ARID4A: variants seen among roughly 807,000 people sequenced by gnomAD.
ARID4A encodes AT-rich interactive domain-containing protein 4A.
In ARID4A, 39 loss-of-function variants were observed where a neutral mutation model predicts 148.6. The ratio of observed to expected loss-of-function variants is 0.26; its 90% CI spans 0.20 to 0.34. ARID4A has a LOEUF of 0.34. ARID4A is among the 10% of genes least tolerant of loss of function. ARID4A has a pLI of 1.00. For missense variants in ARID4A, 1,265 were observed against 1,449.1 expected, an observed-to-expected ratio of 0.87 and a Z score of 2.06; for synonymous variants, 475 against 481.2, an observed-to-expected ratio of 0.99 and a Z score of 0.17.
chr14:58,358,592 T>C (rs905365138), intron 17 of ARID4A, among the ~76,000 whole-genome samples: 2 of 152,124 alleles, frequency 1.3e-5, no homozygotes, highest in African/African-American at 4.8e-5. Context: ...AATACAGATA[T>C]CTCTAAAAAA....
intron 23 of ARID4A, among the ~76,000 whole-genome samples, chr14:58,369,382 T>G (rs1029112552): frequency 1.3e-5 from 2 of 151,920 alleles, no homozygotes; most frequent in Admixed American, 6.6e-5. Context: ...TCCCAGCATT[T>G]TGGGAGGCAG....
rs765807069 is a variant in ARID4A, at chr14:58,347,623, T to C, written c.1173-24T>C. 9 of 1,481,456 alleles carry C rather than the reference T, an allele frequency of 6.1e-6. No individual in the cohort carries two copies. In the South Asian group the frequency reaches 1.2e-4, roughly 19 times the overall value. The allele number at this position is 1,481,456 out of a possible 1,614,324, so 91.8% of individuals were successfully genotyped here. ...TTAGATGCAAAGACTGTAAGATTTC[T>C]TAAATGAAATATTGTTTGTTTAGGT... On this transcript the variant is annotated intron_variant, in intron 14 of 23. Coordinates refer to ENST00000355431, the MANE Select transcript of ARID4A (RefSeq NM_002892.4).
intron 22 of ARID4A, 137 bp from the exon 23 acceptor site, chr14:58,366,746 C>T (rs2035374969): frequency 1.7e-6 from 1 of 599,164 alleles, no homozygotes; most frequent in Non-Finnish European, 2.7e-6. Context: ...TGTTTTCAGT[C>T]TTATTCAGCT....
chr14:58,352,055 T>C (rs1194827120), intron 16 of ARID4A, among the ~76,000 whole-genome samples: 2 of 152,220 alleles, frequency 1.3e-5, no homozygotes, highest in Non-Finnish European at 1.5e-5. Flanking sequence ...TAAAAATGAA[T>C]TTTAAATGAG....
chr14:58,349,282 G>T (rs1272423427), intron 15 of ARID4A, among the ~76,000 whole-genome samples: 1 of 152,020 alleles, frequency 6.6e-6, no homozygotes, highest in Non-Finnish European at 1.5e-5. Flanking sequence ...TAAAATATCT[G>T]CAGTGTGCTG....
intron 7 of ARID4A, among the ~76,000 whole-genome samples, chr14:58,321,100 T>C (rs1265446951): frequency 6.6e-6 from 1 of 152,222 alleles, no homozygotes; most frequent in Non-Finnish European, 1.5e-5. Context: ...TTGATTAAGG[T>C]GGTGCCTGCC....
intron 5 of ARID4A, among the ~76,000 whole-genome samples, chr14:58,307,562 G>C (rs1436257080): frequency 6.6e-6 from 1 of 152,216 alleles, no homozygotes; most frequent in Non-Finnish European, 1.5e-5. Context: ...GCTCTAACCT[G>C]TAATCCCAGC....
chr14:58,323,997 C>T (rs965280318), intron 8 of ARID4A, among the ~76,000 whole-genome samples: 3 of 148,100 alleles, frequency 2.0e-5, no homozygotes, highest in South Asian at 2.1e-4. Flanking sequence ...CTCTGCCTTC[C>T]GGGTTCACGC....
At position 58,348,831 on chromosome 14, in the gene ARID4A, T is replaced by A. The variant is rs564789263; in HGVS notation, c.1404+953T>A. ...ATGAAATTTCCAAATTGTTTTTTTTTAATTTTTTTTAAAATTGTGGTAAGT... is the reference window on the plus strand; with the variant it reads ...ATGAAATTTCCAAATTGTTTTTTTTAAATTTTTTTTAAAATTGTGGTAAGT... On this transcript the variant is annotated intron_variant, in intron 15 of 23. Transcript: ENST00000355431. 8.5e-5 allele frequency among the ~76,000 whole-genome samples: 13 copies of A among 152,190 alleles called. No individual in the cohort carries two copies. In the East Asian group the frequency reaches 1.5e-3, roughly 18 times the overall value.
At chr14:58,357,741 C>T (rs1386813689) in intron 17 of ARID4A, among the ~76,000 whole-genome samples, 1 of 151,876 alleles carries the variant, frequency 6.6e-6, no homozygotes, top group African/African-American at 2.4e-5. Flanking sequence ...AAAGCAAGGA[C>T]TGCCTGTTGT....
intron 7 of ARID4A, among the ~76,000 whole-genome samples, chr14:58,320,940 A>G (rs778094639): frequency 3.9e-5 from 6 of 152,154 alleles, no homozygotes; most frequent in East Asian, 1.9e-4. Flanking sequence ...ATACAAGACA[A>G]TAGTCTTGTA....
chr14:58,323,897 T>C lies in ARID4A; in HGVS notation c.582+280T>C, dbSNP rs914317825. Among the ~76,000 whole-genome samples, 9 of 82,272 alleles carry C rather than the reference T, an allele frequency of 1.1e-4. No individual in the cohort carries two copies. The South Asian group carries it at 1.8e-3, about 16-fold the overall frequency. 54.0% of individuals were successfully genotyped at this position (82,272 alleles called of 152,430 possible). On this transcript the variant is annotated intron_variant, in intron 8 of 23. Transcript: ENST00000355431. ...TCTATTCCCATTACCTTAGGTTCCC[T>C]TTTTTTTTTTTTTTTTTTTTTTTTT... is the stretch of plus-strand genomic sequence containing the variant.
chr14:58,304,442 T>A (rs1423656297), intron 3 of ARID4A, among the ~76,000 whole-genome samples: 3 of 152,218 alleles, frequency 2.0e-5, no homozygotes, highest in Non-Finnish European at 4.4e-5. Flanking sequence ...ATGGTTACTT[T>A]ATGTCTTTAG....
At chr14:58,354,123 C>G (rs917586665) in intron 17 of ARID4A, among the ~76,000 whole-genome samples, 1 of 152,056 alleles carries the variant, frequency 6.6e-6, no homozygotes, top group East Asian at 1.9e-4. Flanking sequence ...CAAGGGGAAC[C>G]ATAGGGCATC....
At chr14:58,324,962 TA>T (rs927793543) in intron 8 of ARID4A, among the ~76,000 whole-genome samples, 2 of 151,832 alleles carry the variant, frequency 1.3e-5, no homozygotes, top group African/African-American at 2.4e-5. Context: ...TATAGTAAAT[TA>T]AAAAAAACAA....
rs200645038 is a variant in ARID4A at position 58,330,688 on chromosome 14, TA to T, written c.906+527del. 1.2e-3 allele frequency among the ~76,000 whole-genome samples: 189 copies of T among 152,168 alleles called. 1 individual carries two copies. The highest frequency in any genetic ancestry group is 1.8e-3 in the Non-Finnish European group (125 of 67,976). ...ACAATATTTCAAGGATAATTAAGGT[TA>T]AAAAAAATCCTATCCAAACCCCAAA... On this transcript the variant is annotated intron_variant, in intron 11 of 23. Transcript: ENST00000355431.
At chr14:58,318,334 C>T (rs1471539763) in intron 5 of ARID4A, among the ~76,000 whole-genome samples, 4 of 152,100 alleles carry the variant, frequency 2.6e-5, no homozygotes, top group African/African-American at 9.7e-5. Context: ...CTTAAGCAGT[C>T]GTGGGCAGCC....
chr14:58,335,537 TC>T (rs2033770748), intron 11 of ARID4A, among the ~76,000 whole-genome samples: 1 of 151,988 alleles, frequency 6.6e-6, no homozygotes, highest in African/African-American at 2.4e-5. Context: ...GGTCTCAAAC[TC>T]CCAACCTCAG....
At chr14:58,363,175 A>C (rs545867943) in intron 19 of ARID4A, among the ~76,000 whole-genome samples, 2 of 152,356 alleles carry the variant, frequency 1.3e-5, no homozygotes, top group African/African-American at 4.8e-5. Flanking sequence ...ATAAAACCAC[A>C]AAATAAAACT....
Sources: gnomAD v4.1 joint callset for allele counts (sites outside exome capture counted in the v4.1 genomes callset) on GRCh38, gnomAD v4.1.1 for gene constraint, MANE v1.5 for transcripts, NCBI Gene and HGNC (gene_info 2026-07-23, HGNC 2026-07-21) for gene names.